The following ITGA4 variants were observed in gnomAD, a reference collection of about 807,000 sequenced individuals.
ITGA4 encodes integrin alpha-4.
Under a neutral mutation model 133.6 loss-of-function variants are expected in ITGA4, and 63 were observed. That is an observed-to-expected ratio of 0.47 (90% confidence interval 0.38 to 0.58). The LOEUF (loss-of-function observed/expected upper bound fraction) is 0.58, where lower values mean the gene tolerates loss of function less well. ITGA4 is among the 20% of genes least tolerant of loss of function. The pLI is 0.00. For synonymous variants in ITGA4, 483 were observed against 438.0 expected, an observed-to-expected ratio of 1.10 and a Z score of -1.28; for missense variants, 1,076 against 1,252.7, an observed-to-expected ratio of 0.86 and a Z score of 2.13.
At chr2:181,462,968 A>G (rs933511188) in intron 2 of ITGA4, among the ~76,000 whole-genome samples, 1 of 152,176 alleles carries the variant, frequency 6.6e-6, no homozygotes, top group South Asian at 2.1e-4. Context: ...TCCTTGTCCC[A>G]AAGGCTTTAA....
chr2:181,480,120 T>TC lies in ITGA4; in HGVS notation c.625-17_625-16insC, dbSNP rs749732398. 474 of 1,366,104 alleles carry TC rather than the reference T, an allele frequency of 3.5e-4. 6 individuals carry two copies. The South Asian group carries it at 5.9e-3, about 17-fold the overall frequency. 84.6% of individuals were successfully genotyped at this position (1,366,104 alleles called of 1,614,324 possible). ...GAGATTAAAGTTTAAATAATAATAG[T>TC]TTTTTTTTTCTTACAGGATTTAATT... On this transcript the variant is annotated splice_polypyrimidine_tract_variant and intron_variant, in intron 5 of 27. Coordinates refer to ENST00000397033, the MANE Select transcript of ITGA4 (RefSeq NM_000885.6).
At chr2:181,482,775 T>C in intron 9 of ITGA4, 124 bp downstream of exon 9, 1 of 816,960 alleles carries the variant, frequency 1.2e-6, no homozygotes, top group Non-Finnish European at 2.0e-6. Flanking sequence ...AAAATTCTAA[T>C]ACTGTACTGA....
At chr2:181,487,651 G>A (rs1016892924) in intron 10 of ITGA4, among the ~76,000 whole-genome samples, 1 of 152,136 alleles carries the variant, frequency 6.6e-6, no homozygotes, top group Non-Finnish European at 1.5e-5. Context: ...TATGCTTGAT[G>A]TTACATCTCA....
chr2:181,487,608 T>C (rs1439127931), intron 10 of ITGA4, among the ~76,000 whole-genome samples: 4 of 152,204 alleles, frequency 2.6e-5, no homozygotes, highest in Non-Finnish European at 5.9e-5. Flanking sequence ...ATTACAAGCC[T>C]GGTTTGATTA....
At position 181,538,376 on chromosome 2, in the gene ITGA4, T is replaced by C; in HGVS notation, c.*2849T>C. 1 of 621,766 alleles carries C rather than the reference T, an allele frequency of 1.6e-6. No individual in the cohort carries two copies. Among genetic ancestry groups the C allele is most frequent in the Non-Finnish European group, 2.9e-6 (1 of 342,262 alleles). 38.5% of individuals were successfully genotyped at this position (621,766 alleles called of 1,614,324 possible). On this transcript the variant is annotated 3_prime_UTR_variant, in exon 28 of 28. Coordinates refer to ENST00000397033, the MANE Select transcript of ITGA4 (RefSeq NM_000885.6). ...CAGCATTCCCAACAGAGCTGTAATCTAGAAAACTGAGAAGGTCTGATTGAT... is the reference window on the plus strand; with the variant it reads ...CAGCATTCCCAACAGAGCTGTAATCCAGAAAACTGAGAAGGTCTGATTGAT...
At chr2:181,467,616 AC>A (rs1685451542) in intron 2 of ITGA4, among the ~76,000 whole-genome samples, 1 of 152,126 alleles carries the variant, frequency 6.6e-6, no homozygotes. Flanking sequence ...CAAGTAAGTG[AC>A]CTTTTTCTTG....
chr2:181,462,998 T>A (rs934691696), intron 2 of ITGA4, among the ~76,000 whole-genome samples: 2 of 152,148 alleles, frequency 1.3e-5, no homozygotes, highest in Non-Finnish European at 2.9e-5. Context: ...GATAGGTTAT[T>A]ATAGGAAAGT....
chr2:181,519,623 G>A (rs193261036), intron 17 of ITGA4, among the ~76,000 whole-genome samples: 3 of 152,088 alleles, frequency 2.0e-5, no homozygotes, highest in African/African-American at 2.4e-5. Context: ...CACATTTCCA[G>A]TTTGGATTTT....
At position 181,522,296 on chromosome 2, in the gene ITGA4, T is replaced by C; in HGVS notation, c.2028T>C (p.His676=). 1 of 1,610,538 alleles carries C rather than the reference T, an allele frequency of 6.2e-7. No individual in the cohort carries two copies. The highest frequency in any genetic ancestry group is 1.1e-5 in the South Asian group (1 of 90,614). ...AGDDAYETTL[H]VKLPVGLYFI... is the part of the protein sequence containing the mutation. ...ATGATGCATATGAAACGACTCTACA[T>C]GTCAAACTACCCGTGGGTCTTTATT... Residue 676 remains histidine (H), a synonymous_variant, in exon 18 of 28, where the codon CAT becomes CAC. Transcript: ENST00000397033.
chr2:181,509,147 A>C (rs1421871292), intron 15 of ITGA4, among the ~76,000 whole-genome samples: 1 of 934 alleles, frequency 1.1e-3, no homozygotes, highest in East Asian at 0.12. Context: ...AAAAAAAAAA[A>C]AAAAAAAAAA....
At position 181,460,588 on chromosome 2, in the gene ITGA4, TGTGTGTGTGTGTGTGA is replaced by T. The variant is rs752258032; in HGVS notation, c.319+2272_319+2287del. Reference sequence around the variant, plus strand: ...AAGAGTGTGTGTGTGTGTGTGTGTGTGTGTGTGTGTGTGTGAATCTTCTGTATAAAATAGCTTCAGT... The same window carrying T: ...AAGAGTGTGTGTGTGTGTGTGTGTGTATCTTCTGTATAAAATAGCTTCAGT... On this transcript the variant is annotated intron_variant, in intron 2 of 27. Transcript: ENST00000397033. Among the ~76,000 whole-genome samples, 128 of 152,168 alleles carry T rather than the reference TGTGTGTGTGTGTGTGA, an allele frequency of 8.4e-4. No individual in the cohort carries two copies. In the Middle Eastern group the frequency reaches 0.01, roughly 12 times the overall value.
At chr2:181,509,868 G>T in intron 16 of ITGA4, 61 bp downstream of exon 16, 1 of 1,253,930 alleles carries the variant, frequency 8.0e-7, no homozygotes, top group South Asian at 1.4e-5. Context: ...TTTAAAATAT[G>T]GCATAATTCT....
chr2:181,528,055 A>G (rs1686870595), intron 22 of ITGA4, among the ~76,000 whole-genome samples: 1 of 152,244 alleles, frequency 6.6e-6, no homozygotes, highest in African/African-American at 2.4e-5. Flanking sequence ...TTGAACCAAA[A>G]GCACTGTCCA....
chr2:181,487,962 T>A (rs1469762614), intron 10 of ITGA4, among the ~76,000 whole-genome samples: 2 of 152,256 alleles, frequency 1.3e-5, no homozygotes, highest in African/African-American at 4.8e-5. Flanking sequence ...ACAAAATCAC[T>A]GTTTAGTAAA....
At chr2:181,524,882 CTATT>C (rs1686800306) in intron 20 of ITGA4, among the ~76,000 whole-genome samples, 1 of 151,602 alleles carries the variant, frequency 6.6e-6, no homozygotes, top group African/African-American at 2.4e-5. Context: ...TCTAAACTAC[CTATT>C]TATTCTGGTT....
intron 2 of ITGA4, among the ~76,000 whole-genome samples, chr2:181,465,556 G>A (rs1685391837): frequency 6.6e-6 from 1 of 152,062 alleles, no homozygotes; most frequent in African/African-American, 2.4e-5. Flanking sequence ...GATAGACAAA[G>A]TGGCATCCAC....
At chr2:181,533,008 G>A (rs1686975860) in intron 25 of ITGA4, among the ~76,000 whole-genome samples, 1 of 151,928 alleles carries the variant, frequency 6.6e-6, no homozygotes, top group South Asian at 2.1e-4. Flanking sequence ...GAAAAACTAA[G>A]GCTTTCATAA....
intron 2 of ITGA4, among the ~76,000 whole-genome samples, chr2:181,459,840 A>G (rs549471940): frequency 6.6e-6 from 1 of 152,328 alleles, no homozygotes; most frequent in Admixed American, 6.5e-5. Context: ...CCATGACATT[A>G]TAACTACTGA....
intron 2 of ITGA4, among the ~76,000 whole-genome samples, chr2:181,461,635 CATA>C (rs1474542627): frequency 6.6e-6 from 1 of 152,058 alleles, no homozygotes; most frequent in Admixed American, 6.5e-5. Flanking sequence ...TCAAATAGAA[CATA>C]ATAAAACATA....
Sources: allele counts gnomAD v4.1 joint callset (sites outside exome capture counted in the v4.1 genomes callset), GRCh38; gene constraint gnomAD v4.1.1; transcripts MANE v1.5; gene names NCBI Gene and HGNC (gene_info 2026-07-23, HGNC 2026-07-21).